The following GRIN2B variants were observed in gnomAD, a reference collection of about 807,000 sequenced individuals.
GRIN2B encodes glutamate receptor ionotropic, NMDA 2B.
GRIN2B carries 5 observed loss-of-function variants against 114.5 expected under a neutral mutation model. That is an observed-to-expected ratio of 0.04 (90% confidence interval 0.02 to 0.09). The LOEUF is 0.09. GRIN2B is among the 10% of genes least tolerant of loss of function. The pLI is 1.00. For missense variants in GRIN2B, 1,108 were observed against 1,943.5 expected, an observed-to-expected ratio of 0.57 and a Z score of 8.08; for synonymous variants, 787 against 745.1, an observed-to-expected ratio of 1.06 and a Z score of -0.92.
At chr12:13,972,620 G>A (rs746726151) in intron 2 of GRIN2B, among the ~76,000 whole-genome samples, 24 of 152,176 alleles carry the variant, frequency 1.6e-4, no homozygotes, top group Non-Finnish European at 2.9e-4. Flanking sequence ...GGCAGGGCAC[G>A]GGAAAGGAAA....
chr12:13,600,461 C>A (rs1949141394), intron 10 of GRIN2B, among the ~76,000 whole-genome samples: 1 of 151,788 alleles, frequency 6.6e-6, no homozygotes, highest in African/African-American at 2.4e-5. Context: ...TATCTTGGTA[C>A]CTTTATGTAG....
At chr12:13,800,801 A>G (rs1277293703) in intron 3 of GRIN2B, among the ~76,000 whole-genome samples, 1 of 152,224 alleles carries the variant, frequency 6.6e-6, no homozygotes, top group African/African-American at 2.4e-5. Context: ...CTAATTAACC[A>G]AATACGTGTC....
chr12:13,807,651 C>T (rs1351568168), intron 3 of GRIN2B, among the ~76,000 whole-genome samples: 1 of 148,052 alleles, frequency 6.8e-6, no homozygotes, highest in Non-Finnish European at 1.5e-5. Flanking sequence ...CAGAACAGGG[C>T]CTTTGATTAG....
intron 4 of GRIN2B, among the ~76,000 whole-genome samples, chr12:13,687,848 C>T (rs1314893539): frequency 6.6e-6 from 1 of 152,186 alleles, no homozygotes; most frequent in Non-Finnish European, 1.5e-5. Flanking sequence ...TTTTTCCCCT[C>T]TTCAGCACAT....
intron 5 of GRIN2B, among the ~76,000 whole-genome samples, chr12:13,618,700 T>C (rs995954746): frequency 7.2e-5 from 11 of 152,204 alleles, no homozygotes; most frequent in African/African-American, 2.7e-4. Flanking sequence ...GGTCTGTACA[T>C]TGAGTCTAGC....
chr12:13,804,665 A>G (rs953612025), intron 3 of GRIN2B, among the ~76,000 whole-genome samples: 3 of 152,004 alleles, frequency 2.0e-5, no homozygotes, highest in Non-Finnish European at 4.4e-5. Context: ...CCTATATAAC[A>G]CTTAGTTTTT....
chr12:13,652,145 C>T (rs903523870), intron 5 of GRIN2B, among the ~76,000 whole-genome samples: 10 of 151,784 alleles, frequency 6.6e-5, no homozygotes, highest in Non-Finnish European at 1.3e-4. Flanking sequence ...CTAGAGGGGC[C>T]ACTTTTCCTC....
At chr12:13,877,469 C>T (rs1049688678) in intron 2 of GRIN2B, among the ~76,000 whole-genome samples, 1 of 152,184 alleles carries the variant, frequency 6.6e-6, no homozygotes, top group African/African-American at 2.4e-5. Flanking sequence ...TGTTAAAATC[C>T]CTCTAACATT....
At chr12:13,904,262 T>C (rs1866503346) in intron 2 of GRIN2B, among the ~76,000 whole-genome samples, 1 of 152,058 alleles carries the variant, frequency 6.6e-6, no homozygotes, top group Non-Finnish European at 1.5e-5. Context: ...TATTTTATCA[T>C]TTTTTATTTC....
At chr12:13,566,321 A>G (rs890196548) in intron 13 of GRIN2B, among the ~76,000 whole-genome samples, 2 of 152,232 alleles carry the variant, frequency 1.3e-5, no homozygotes, top group African/African-American at 4.8e-5. Flanking sequence ...CTCATGACTT[A>G]GTCTCTCCAC....
chr12:13,961,747 C>G (rs1867695766), intron 2 of GRIN2B, among the ~76,000 whole-genome samples: 1 of 152,150 alleles, frequency 6.6e-6, no homozygotes, highest in Non-Finnish European at 1.5e-5. Context: ...AATCAACCCA[C>G]CACATCTTCT....
chr12:13,638,468 G>A (rs1035207314), intron 5 of GRIN2B, among the ~76,000 whole-genome samples: 5 of 152,120 alleles, frequency 3.3e-5, no homozygotes, highest in African/African-American at 4.8e-5. Flanking sequence ...TATTGGCAGA[G>A]GCAGCCCTTG....
intron 10 of GRIN2B, among the ~76,000 whole-genome samples, chr12:13,573,593 GATCAT>G (rs1948734548): frequency 8.0e-6 from 1 of 125,484 alleles, no homozygotes; most frequent in Non-Finnish European, 1.8e-5. Context: ...GTACAGCAAT[GATCAT>G]TGTAGCTGTG....
chr12:13,571,335 C>T (rs983469848), intron 11 of GRIN2B, among the ~76,000 whole-genome samples: 1 of 152,164 alleles, frequency 6.6e-6, no homozygotes, highest in Non-Finnish European at 1.5e-5. Context: ...CCCTAGAGGA[C>T]AGAGTATGTT....
intron 2 of GRIN2B, among the ~76,000 whole-genome samples, chr12:13,888,937 G>A (rs948404901): frequency 1.3e-5 from 2 of 151,914 alleles, no homozygotes; most frequent in East Asian, 1.9e-4. Context: ...GAATACTTAG[G>A]ATACACTAAG....
intron 2 of GRIN2B, among the ~76,000 whole-genome samples, chr12:13,901,289 A>G (rs538101929): frequency 6.6e-6 from 1 of 152,242 alleles, no homozygotes; most frequent in South Asian, 2.1e-4. Flanking sequence ...TCTTCTGGGA[A>G]AGGCCTATTT....
Position 13,723,184 on chromosome 12 carries a change from G to C in GRIN2B, c.1010+30133C>G, listed in dbSNP as rs530183931. Among the ~76,000 whole-genome samples the C allele has an allele frequency of 1.1e-4, 17 of 151,670 alleles. No homozygotes were observed. In the East Asian group the frequency reaches 3.3e-3, roughly 30 times the overall value. On this transcript the variant is annotated intron_variant, in intron 4 of 13. Coordinates refer to ENST00000609686, the MANE Select transcript of GRIN2B (RefSeq NM_000834.5). ...CTTTAAGTTCTGGGATACATGTACAGAATGTGCAGGTTTGTTACATAGGTA... is the reference window on the plus strand; with the variant it reads ...CTTTAAGTTCTGGGATACATGTACACAATGTGCAGGTTTGTTACATAGGTA...
At chr12:13,612,399 A>ATTCACTT (rs1442764728) in intron 8 of GRIN2B, among the ~76,000 whole-genome samples, 1 of 152,196 alleles carries the variant, frequency 6.6e-6, no homozygotes, top group South Asian at 2.1e-4. Context: ...CCTAGCCTAG[A>ATTCACTT]TTCACTTTTT....
Position 13,895,031 on chromosome 12 carries a change from T to C in GRIN2B, c.-18-28805A>G, listed in dbSNP as rs561679312. On this transcript the variant is annotated intron_variant, in intron 2 of 13. Transcript: ENST00000609686. ...AAAGTGCTGCACCCTCATTTGTGTG[T>C]ATATAAAGGCATATGTACTTTGTGT... Among the ~76,000 whole-genome samples the C allele has an allele frequency of 2.0e-5, 3 of 152,338 alleles. No homozygotes were observed. In the South Asian group the frequency reaches 6.2e-4, roughly 32 times the overall value.
Sources: allele counts gnomAD v4.1 joint callset (sites outside exome capture counted in the v4.1 genomes callset), GRCh38; gene constraint gnomAD v4.1.1; transcripts MANE v1.5; gene names NCBI Gene and HGNC (gene_info 2026-07-23, HGNC 2026-07-21).